ULBP3: variants seen among roughly 807,000 people sequenced by gnomAD.
ULBP3 encodes the protein UL16 binding protein 3, also known as UL16-binding protein 3.
ULBP3 carries 25 observed loss-of-function variants against 24.9 expected under a neutral mutation model. The observed-to-expected ratio is 1.00, with a 90% CI of 0.73 to 1.40. The LOEUF (loss-of-function observed/expected upper bound fraction) is 1.40. Among genes scored for constraint, ULBP3 ranks in the 40% most tolerant of loss-of-function variants. The pLI is 0.00. For missense variants in ULBP3, 306 were observed against 307.5 expected (o/e 1.00, Z 0.04); for synonymous variants, 114 against 114.7 (o/e 0.99, Z 0.04).
In ULBP3 at chr6:150,066,009, TG is replaced by T. The variant is rs1351919984; in HGVS notation, c.241del (p.Gln81SerfsTer15). The T allele has an allele frequency of 1.2e-6, 2 of 1,614,112 alleles. No homozygotes were observed. Among genetic ancestry groups the T allele is most frequent in the Non-Finnish European group, 1.7e-6 (2 of 1,180,052 alleles). On this transcript the variant is annotated frameshift_variant, in exon 2 of 5. Coordinates refer to ENST00000367339, the MANE Select transcript of ULBP3 (RefSeq NM_024518.3). LOFTEE classifies it high-confidence loss of function. ...TCCCCAGGCATCTGTGGCATACAGC[TG>T]CTCTTCTAGGTGACCCATAGATAAG... ...KVLSMGHLEE[Q>X]LYATDAWGKQ...
chr6:150,065,401 T>C lies in ULBP3; in HGVS notation c.625A>G (p.Thr209Ala), dbSNP rs1329092709. 3 of 1,613,730 alleles carry C rather than the reference T, an allele frequency of 1.9e-6. No homozygotes were observed. The highest frequency in any genetic ancestry group is 2.5e-6 in the Non-Finnish European group (3 of 1,179,764). Residue 209 changes from threonine (T) to alanine (A), a missense_variant, in exon 3 of 5, where the codon ACA becomes GCA. Coordinates refer to ENST00000367339, the MANE Select transcript of ULBP3 (RefSeq NM_024518.3). ...CCAGTGCTCCCCTGTCAGTTACCTG[T>C]GGGTTCCAGCCTCTTCTTCCTGTGC... Reference protein sequence around the residue: ...LMHRKKRLEPTAPPTMAPGLA... With the variant: ...LMHRKKRLEPAAPPTMAPGLA...
rs1407897516 is a variant in ULBP3, at chr6:150,061,196, T to C, written c.*2178A>G. On this transcript the variant is annotated 3_prime_UTR_variant, in exon 5 of 5. Coordinates refer to ENST00000367339, the MANE Select transcript of ULBP3 (RefSeq NM_024518.3). The stretch of plus-strand genomic sequence containing the variant: ...TGGGTTAGCGTTCATAGTGCAAAGT[T>C]CTCTCGTTCCACTCAGTTAACCCCA... Among the ~76,000 whole-genome samples, 1 of 152,192 alleles carries C rather than the reference T, an allele frequency of 6.6e-6. No individual in the cohort carries two copies. The highest frequency in any genetic ancestry group is 1.5e-5 in the Non-Finnish European group (1 of 68,028).
intron 4 of ULBP3, among the ~76,000 whole-genome samples, chr6:150,064,282 C>T (rs1776314008): frequency 6.6e-6 from 1 of 152,202 alleles, no homozygotes; most frequent in Non-Finnish European, 1.5e-5. Flanking sequence ...CTACCCTTCC[C>T]AGATAGAAAC....
At chr6:150,067,662 C>T (rs1562520757) in intron 1 of ULBP3, among the ~76,000 whole-genome samples, 3 of 152,206 alleles carry the variant, frequency 2.0e-5, no homozygotes, top group African/African-American at 7.2e-5. Flanking sequence ...TGTCACTACT[C>T]AACTCTGCTC....
Position 150,062,194 on chromosome 6 carries a change from A to C in ULBP3, c.*1180T>G, listed in dbSNP as rs536967763. 1.5e-3 allele frequency among the ~76,000 whole-genome samples: 224 copies of C among 152,222 alleles called. 2 individuals carry two copies. The highest frequency in any genetic ancestry group is 5.2e-3 in the African/African-American group (216 of 41,542). On this transcript the variant is annotated 3_prime_UTR_variant, in exon 5 of 5. Transcript: ENST00000367339. ...CACGCTGTCTGTTTACCGTGTTGCT[A>C]GTTTCTTTTTCTGTGCAGAAGCTCT...
rs36063202 is a variant in ULBP3, at chr6:150,065,495, G to A, written c.531C>T (p.Ser177=). The part of the protein sequence containing the change: ...RRMKEKWEKD[S]GLTTFFKMVS... ...CCATCTTGAAGAAGGTGGTCAGTCC[G>A]CTATCCTTCTCCCACTTCTCTTTCA... The change falls in exon 3 of 5, where the codon AGC becomes AGT. Residue 177 remains serine (S), a synonymous_variant. Transcript: ENST00000367339. 6,914 of 1,614,100 alleles carry A rather than the reference G, an allele frequency of 4.3e-3. 30 individuals carry two copies. Among genetic ancestry groups the A allele is most frequent in the African/African-American group, 8.7e-3 (654 of 75,012 alleles).
chr6:150,065,959 C>A lies in ULBP3; in HGVS notation c.292G>T (p.Val98Leu). 1 of 1,614,224 alleles carries A rather than the reference C, an allele frequency of 6.2e-7. No individual in the cohort carries two copies. The highest frequency in any genetic ancestry group is 8.5e-7 in the Non-Finnish European group (1 of 1,180,050). The change falls in exon 2 of 5, where the codon GTG becomes TTG. Residue 98 changes from valine (V) to leucine (L), a missense_variant. Physicochemically the swap from Val to Leu is conservative, Grantham distance 32. Coordinates refer to ENST00000367339, the MANE Select transcript of ULBP3 (RefSeq NM_024518.3). ...WGKQLEMLRE[V>L]GQRLRLELAD... ...AGTTCCAGTCTGAGCCTCTGCCCCA[C>A]CTCTCTCAGCATTTCCAGTTGTTTT...
At chr6:150,065,732 A>G in intron 2 of ULBP3, 59 bp from the exon 3 acceptor site, 1 of 1,598,300 alleles carries the variant, frequency 6.3e-7, no homozygotes, top group Non-Finnish European at 8.5e-7. Context: ...CCTGTCCCAC[A>G]TCCTCCTATG....
chr6:150,064,677 T>C lies in ULBP3; in HGVS notation c.665A>G (p.Lys222Arg), dbSNP rs764053703. 2 of 1,613,990 alleles carry C rather than the reference T, an allele frequency of 1.2e-6. No individual in the cohort carries two copies. Among genetic ancestry groups the C allele is most frequent in the African/African-American group, 2.7e-5 (2 of 74,998 alleles). ...PTMAPGLAQP[K>R]AIATTLSPWS... ...GGGACTGAGGGTGGTGGCTATGGCT[T>C]TGGGTTGAGCTAAGCCTGGGGCCAT... The change falls in exon 4 of 5, where the codon AAA (lysine) becomes AGA (arginine). Residue 222 changes from lysine to arginine, a missense_variant. Lys to Arg is a conservative substitution (Grantham distance 26). Coordinates refer to ENST00000367339, the MANE Select transcript of ULBP3 (RefSeq NM_024518.3).
Position 150,065,621 on chromosome 6 carries a change from G to A in ULBP3, c.405C>T (p.Tyr135=). 1 of 1,614,192 alleles carries A rather than the reference G, an allele frequency of 6.2e-7. No homozygotes were observed. The highest frequency in any genetic ancestry group is 8.5e-7 in the Non-Finnish European group (1 of 1,180,036). The change falls in exon 3 of 5, where the codon TAC becomes TAT. Residue 135 remains tyrosine, a synonymous_variant. Coordinates refer to ENST00000367339, the MANE Select transcript of ULBP3 (RefSeq NM_024518.3). Reference sequence around the variant, plus strand: ...AGCTGAACTGCCAAGATCCACGGATGTATCCATCGGCTTCACACTCACAAG... The same window carrying A: ...AGCTGAACTGCCAAGATCCACGGATATATCCATCGGCTTCACACTCACAAG... The part of the protein sequence containing the change: ...RMSCECEADG[Y]IRGSWQFSFD...
At position 150,065,890 on chromosome 6, in the gene ULBP3, T is replaced by G; in HGVS notation, c.352+9A>C. Reference sequence around the variant, plus strand: ...CTGCTCCCTTCTGTCCTTGGTCTCTTTCACTCACCACTGGGTGTGAAATCC... The same window carrying G: ...CTGCTCCCTTCTGTCCTTGGTCTCTGTCACTCACCACTGGGTGTGAAATCC... On this transcript the variant is annotated intron_variant, in intron 2 of 4. Transcript: ENST00000367339. The G allele has an allele frequency of 6.2e-7, 1 of 1,613,962 alleles. No individual in the cohort carries two copies.
rs1453260135 is a variant in ULBP3, at chr6:150,065,901, C to G, written c.350G>C (p.Ser117Thr). 1.2e-6 allele frequency: 2 copies of G among 1,614,128 alleles called. No homozygotes were observed. Among genetic ancestry groups the G allele is most frequent in the Non-Finnish European group, 1.7e-6 (2 of 1,180,034 alleles). The change falls in exon 2 of 5, where the codon AGT becomes ACT. Residue 117 changes from serine to threonine, a missense_variant and splice_region_variant. By Grantham distance (58) the Ser-to-Thr change is moderately conservative. Coordinates refer to ENST00000367339, the MANE Select transcript of ULBP3 (RefSeq NM_024518.3). The part of the protein sequence containing the change: ...ADTELEDFTP[S>T]GPLTLQVRMS... ...TGTCCTTGGTCTCTTTCACTCACCA[C>G]TGGGTGTGAAATCCTCCAGCTCAGT...
In ULBP3 at chr6:150,065,498, A is replaced by C. The variant is rs1409249334; in HGVS notation, c.528T>G (p.Asp176Glu). 1 of 1,614,120 alleles carries C rather than the reference A, an allele frequency of 6.2e-7. No individual in the cohort carries two copies. The highest frequency in any genetic ancestry group is 8.5e-7 in the Non-Finnish European group (1 of 1,180,016). The change falls in exon 3 of 5, where the codon GAT becomes GAG. Residue 176 changes from aspartate to glutamate, a missense_variant. By Grantham distance (45) the Asp-to-Glu change is conservative (BLOSUM62 2). Transcript: ENST00000367339. ...TCTTGAAGAAGGTGGTCAGTCCGCT[A>C]TCCTTCTCCCACTTCTCTTTCATCC... is the stretch of plus-strand genomic sequence containing the variant. ...ARRMKEKWEK[D>E]SGLTTFFKMV...
intron 3 of ULBP3, among the ~76,000 whole-genome samples, chr6:150,064,987 A>C (rs1336869560): frequency 6.6e-6 from 1 of 152,060 alleles, no homozygotes; most frequent in Non-Finnish European, 1.5e-5. Flanking sequence ...GGGCCGGGAC[A>C]GGAGAGTCTC....
chr6:150,064,339 C>T (rs2010259), intron 4 of ULBP3, among the ~76,000 whole-genome samples: 48,504 of 152,066 alleles, frequency 0.32, 8,182 homozygotes, highest in Middle Eastern at 0.41. Flanking sequence ...TGAACTCAAC[C>T]GGCCCTGAGC....
chr6:150,065,244 TACACTC>T (rs2114791714), intron 3 of ULBP3, among the ~76,000 whole-genome samples, 148 bp downstream of exon 3: 1 of 151,944 alleles, frequency 6.6e-6, no homozygotes, highest in Non-Finnish European at 1.5e-5. Context: ...TTCATGTTCT[TACACTC>T]ACTCAAACAC....
Position 150,065,676 on chromosome 6 carries a change from G to A in ULBP3, c.353-3C>T. The A allele has an allele frequency of 6.2e-7, 1 of 1,613,920 alleles. No individual in the cohort carries two copies. The highest frequency in any genetic ancestry group is 8.5e-7 in the Non-Finnish European group (1 of 1,179,826). On this transcript the variant is annotated splice_region_variant and splice_polypyrimidine_tract_variant and intron_variant, in intron 2 of 4. Coordinates refer to ENST00000367339, the MANE Select transcript of ULBP3 (RefSeq NM_024518.3). Reference sequence around the variant, plus strand: ...CCTGACCTGCAGCGTGAGGGGTCCTGCCCCAATCAGAAAGAGATCAGCCCT... The same window carrying A: ...CCTGACCTGCAGCGTGAGGGGTCCTACCCCAATCAGAAAGAGATCAGCCCT...
In ULBP3 at chr6:150,062,090, T is replaced by G. The variant is rs891037559; in HGVS notation, c.*1284A>C. ...ATTGGGTTTTTTTTTCTTGCTTGTCTAATTGTTTAAGTACTTTGTAGATTC... is the reference window on the plus strand; with the variant it reads ...ATTGGGTTTTTTTTTCTTGCTTGTCGAATTGTTTAAGTACTTTGTAGATTC... On this transcript the variant is annotated 3_prime_UTR_variant, in exon 5 of 5. Transcript: ENST00000367339. 3.9e-5 allele frequency among the ~76,000 whole-genome samples: 6 copies of G among 152,354 alleles called. No individual in the cohort carries two copies.
rs1381103828 is a variant in ULBP3, at chr6:150,062,238, A to G, written c.*1136T>C. The stretch of plus-strand genomic sequence containing the variant: ...AAGCTCTTTAGTTTAATGAGGTCCC[A>G]TTTGTCAATTTTTGTTTTTGTTACA... On this transcript the variant is annotated 3_prime_UTR_variant, in exon 5 of 5. Transcript: ENST00000367339. Among the ~76,000 whole-genome samples, 1 of 152,146 alleles carries G rather than the reference A, an allele frequency of 6.6e-6. No homozygotes were observed. The highest frequency in any genetic ancestry group is 1.5e-5 in the Non-Finnish European group (1 of 68,030).
Sources: allele counts gnomAD v4.1 joint callset (sites outside exome capture counted in the v4.1 genomes callset), GRCh38; gene constraint gnomAD v4.1.1; transcripts MANE v1.5; gene names NCBI Gene and HGNC (gene_info 2026-07-23, HGNC 2026-07-21).